Variants in PPP1R3A observed in about 807,000 individuals in gnomAD.
The protein encoded by PPP1R3A is protein phosphatase 1 regulatory subunit 3A, also known as RG1.
Under a neutral mutation model 41.7 loss-of-function variants are expected in PPP1R3A, and 29 were observed. The observed-to-expected ratio is 0.70, with a 90% confidence interval of 0.52 to 0.95. The LOEUF is 0.95. PPP1R3A is among the 40% of genes least tolerant of loss of function. PPP1R3A has a pLI of 0.00. For missense variants in PPP1R3A, 1,352 were observed against 1,292.4 expected (o/e 1.05, Z -0.71); for synonymous variants, 485 against 453.4 (o/e 1.07, Z -0.89).
chr7:113,891,815 C>A (rs1016807966), intron 1 of PPP1R3A, among the ~76,000 whole-genome samples: 3 of 151,918 alleles, frequency 2.0e-5, no homozygotes, highest in African/African-American at 2.4e-5. Flanking sequence ...TGTGCTAAAA[C>A]CCCATATGTC....
chr7:113,911,074 A>G (rs1479895239), intron 1 of PPP1R3A, among the ~76,000 whole-genome samples: 1 of 152,076 alleles, frequency 6.6e-6, no homozygotes, highest in Non-Finnish European at 1.5e-5. Flanking sequence ...TCATTTTCAG[A>G]GTAACTTGGT....
chr7:113,904,072 A>G lies in PPP1R3A; in HGVS notation c.782+14143T>C, dbSNP rs543396487. 4.6e-5 allele frequency among the ~76,000 whole-genome samples: 7 copies of G among 151,820 alleles called. No individual in the cohort carries two copies. In the South Asian group the frequency reaches 1.5e-3, roughly 31 times the overall value. ...AATTTGTCCGAGTATGTTTCACTCT[A>G]TTTGGTAAATACCATGTCGATAGCT... On this transcript the variant is annotated intron_variant, in intron 1 of 3. Transcript: ENST00000284601.
In PPP1R3A at chr7:113,879,836, A is replaced by G; in HGVS notation, c.1256T>C (p.Leu419Ser). 1.9e-6 allele frequency: 3 copies of G among 1,613,472 alleles called. No individual in the cohort carries two copies. Among genetic ancestry groups the G allele is most frequent in the Non-Finnish European group, 2.5e-6 (3 of 1,179,660 alleles). Residue 419 changes from leucine to serine, a missense_variant, in exon 4 of 4, where the codon TTG becomes TCG. By Grantham distance (145) the Leu-to-Ser change is moderately radical. Transcript: ENST00000284601. ...TAGTTCATCACTACTAGTATCTCCC[A>G]ATGATGGCTTGATTTCTCCCATATT... ...TSNMGEIKPS[L>S]GDTSSDELVQ...
Position 113,918,343 on chromosome 7 carries a change from A to G in PPP1R3A, c.654T>C (p.Phe218=). 6.2e-7 allele frequency: 1 copy of G among 1,613,362 alleles called. No individual in the cohort carries two copies. The highest frequency in any genetic ancestry group is 8.5e-7 in the Non-Finnish European group (1 of 1,179,560). ...CIRYETSVGT[F]WSNNNGTNYT... ...AATTTGTGCCATTATTATTTGACCA[A>G]AATGTACCAACAGAAGTTTCATAAC... Residue 218 remains phenylalanine (F), a synonymous_variant, in exon 1 of 4, where the codon TTT becomes TTC. Coordinates refer to ENST00000284601, the MANE Select transcript of PPP1R3A (RefSeq NM_002711.4).
intron 1 of PPP1R3A, among the ~76,000 whole-genome samples, chr7:113,912,760 T>C (rs920737360): frequency 1.3e-5 from 2 of 152,074 alleles, no homozygotes; most frequent in Non-Finnish European, 2.9e-5. Context: ...TAGTGGGCTC[T>C]GCTTTATTTT....
intron 1 of PPP1R3A, among the ~76,000 whole-genome samples, chr7:113,909,827 T>C (rs1370159704): frequency 6.6e-6 from 1 of 152,106 alleles, no homozygotes; most frequent in Non-Finnish European, 1.5e-5. Context: ...CAGAACAACG[T>C]AAGTGGCTAC....
In PPP1R3A at chr7:113,900,808, ACTC is replaced by A. The variant is rs1181970831; in HGVS notation, c.782+17404_782+17406del. On this transcript the variant is annotated intron_variant, in intron 1 of 3. Coordinates refer to ENST00000284601, the MANE Select transcript of PPP1R3A (RefSeq NM_002711.4). ...CATATATAATTATATATGTATATAT[ACTC>A]CTAATTTTATAAAAAATATTTCTTA... 6.7e-5 allele frequency among the ~76,000 whole-genome samples: 10 copies of A among 149,020 alleles called. No individual in the cohort carries two copies. The South Asian group carries it at 2.1e-3, about 31-fold the overall frequency.
intron 1 of PPP1R3A, among the ~76,000 whole-genome samples, chr7:113,908,035 A>G (rs1242257477): frequency 2.0e-5 from 3 of 151,870 alleles, no homozygotes; most frequent in Non-Finnish European, 4.4e-5. Context: ...TAAAGAAAGT[A>G]AAAAAAGAAA....
Position 113,877,218 on chromosome 7 carries a change from A to G in PPP1R3A, c.*505T>C, listed in dbSNP as rs981982266. 2 of 151,698 alleles carry G rather than the reference A, an allele frequency of 1.3e-5. No individual in the cohort carries two copies. Among genetic ancestry groups the G allele is most frequent in the African/African-American group, 4.9e-5 (2 of 41,236 alleles). The allele number at this position is 151,698 out of a possible 1,614,324, so 9.4% of individuals were successfully genotyped here. A position where few individuals can be genotyped will look rare whatever the true frequency, so the allele number is the denominator to read the frequency against. On this transcript the variant is annotated 3_prime_UTR_variant, in exon 4 of 4. Coordinates refer to ENST00000284601, the MANE Select transcript of PPP1R3A (RefSeq NM_002711.4). ...TATGGGTGTTTTCTTAAAAATATGA[A>G]AGGTTGAAATATTTGATCAATGAAT... is the stretch of plus-strand genomic sequence containing the variant.
At position 113,908,752 on chromosome 7, in the gene PPP1R3A, T is replaced by C. The variant is rs141848023; in HGVS notation, c.782+9463A>G. 8.5e-4 allele frequency among the ~76,000 whole-genome samples: 129 copies of C among 151,886 alleles called. 2 individuals carry two copies. In the East Asian group the frequency reaches 0.02, roughly 23 times the overall value. On this transcript the variant is annotated intron_variant, in intron 1 of 3. Transcript: ENST00000284601. ...GTCATGGAGTGAACCTAAGTGTCCA[T>C]TGATGGTGGATTAGATAAAGAAAAA... is the stretch of plus-strand genomic sequence containing the variant.
chr7:113,890,168 CA>C, intron 1 of PPP1R3A, among the ~76,000 whole-genome samples: 1 of 152,058 alleles, frequency 6.6e-6, no homozygotes. Flanking sequence ...GGGCACCAGC[CA>C]ATTGGTAGTC....
chr7:113,882,087 A>C lies in PPP1R3A; in HGVS notation c.918T>G (p.Asp306Glu). 1 of 1,612,590 alleles carries C rather than the reference A, an allele frequency of 6.2e-7. No homozygotes were observed. The highest frequency in any genetic ancestry group is 8.5e-7 in the Non-Finnish European group (1 of 1,178,976). The change falls in exon 3 of 4, where the codon GAT (aspartate) becomes GAG (glutamate). Residue 306 changes from aspartate (D) to glutamate (E), a missense_variant. Physicochemically the swap from Asp to Glu is conservative, Grantham distance 45. Coordinates refer to ENST00000284601, the MANE Select transcript of PPP1R3A (RefSeq NM_002711.4). ...TATGTTCATCATGTTCCCTGTTTACATCTTTTACATTTCGATTACTGGCTT... is the reference window on the plus strand; with the variant it reads ...TATGTTCATCATGTTCCCTGTTTACCTCTTTTACATTTCGATTACTGGCTT... The part of the protein sequence containing the change: ...DLEASNRNVK[D>E]VNREHDEHNE...
chr7:113,897,830 G>A (rs748272891), intron 1 of PPP1R3A, among the ~76,000 whole-genome samples: 5 of 151,734 alleles, frequency 3.3e-5, no homozygotes, highest in Admixed American at 1.3e-4. Flanking sequence ...GCAATATGGT[G>A]TTCTGGAAAG....
At chr7:113,882,423 T>C in intron 1 of PPP1R3A, 103 bp from the exon 2 acceptor site, 2 of 677,214 alleles carry the variant, frequency 3.0e-6, no homozygotes, top group Admixed American at 5.4e-5. Flanking sequence ...AAATAAACAT[T>C]ATATAGCCTT....
intron 1 of PPP1R3A, among the ~76,000 whole-genome samples, chr7:113,916,451 G>C (rs539226714): frequency 6.6e-6 from 1 of 152,036 alleles, no homozygotes; most frequent in Non-Finnish European, 1.5e-5. Flanking sequence ...CCTATCAGTT[G>C]GCTAGTCTTT....
intron 1 of PPP1R3A, among the ~76,000 whole-genome samples, chr7:113,892,845 C>A (rs1461578811): frequency 6.6e-6 from 1 of 152,034 alleles, no homozygotes; most frequent in Admixed American, 6.6e-5. Context: ...TCTTTATATT[C>A]TTCTATGCTG....
chr7:113,907,608 G>T (rs1354345296), intron 1 of PPP1R3A, among the ~76,000 whole-genome samples: 1 of 151,540 alleles, frequency 6.6e-6, no homozygotes, highest in East Asian at 1.9e-4. Flanking sequence ...TTTTAAAATG[G>T]TGTAAATGTA....
chr7:113,892,397 C>T (rs1175144226), intron 1 of PPP1R3A, among the ~76,000 whole-genome samples: 3 of 152,012 alleles, frequency 2.0e-5, no homozygotes, highest in Non-Finnish European at 4.4e-5. Flanking sequence ...TGTTATGTTG[C>T]AGCTTCTCTA....
chr7:113,877,832 A>G lies in PPP1R3A; in HGVS notation c.3260T>C (p.Ile1087Thr), dbSNP rs139484221. 6.2e-7 allele frequency: 1 copy of G among 1,609,210 alleles called. No individual in the cohort carries two copies. The highest frequency in any genetic ancestry group is 1.3e-5 in the African/African-American group (1 of 74,758). The change falls in exon 4 of 4, where the codon ATA (isoleucine) becomes ACA (threonine). Residue 1087 changes from isoleucine to threonine, a missense_variant. Coordinates refer to ENST00000284601, the MANE Select transcript of PPP1R3A (RefSeq NM_002711.4). ...CATTAAGTCATAATGGTAGACAGTTATAAGAAATATCAGAAACAAAAGGAA... is the reference window on the plus strand; with the variant it reads ...CATTAAGTCATAATGGTAGACAGTTGTAAGAAATATCAGAAACAAAAGGAA... ...PYFLLFLIFL[I>T]TVYHYDLMIG...
Sources: allele counts gnomAD v4.1 joint callset (sites outside exome capture counted in the v4.1 genomes callset), GRCh38; gene constraint gnomAD v4.1.1; transcripts MANE v1.5; gene names NCBI Gene and HGNC (gene_info 2026-07-23, HGNC 2026-07-21).